The following UVRAG variants were observed in gnomAD, a reference collection of about 807,000 sequenced individuals.
UVRAG encodes UV radiation resistance-associated gene protein.
Under a neutral mutation model 78.0 loss-of-function variants are expected in UVRAG, and 19 were observed. The ratio of observed to expected loss-of-function variants is 0.24; its 90% CI spans 0.17 to 0.36. The LOEUF (loss-of-function observed/expected upper bound fraction) is 0.36. Ranked by LOEUF, UVRAG falls within the 10% of genes least tolerant of loss-of-function variation. The pLI is 1.00. For synonymous variants in UVRAG, 323 were observed against 324.6 expected (o/e 1.00, Z 0.05); for missense variants, 740 against 853.8 (o/e 0.87, Z 1.66).
At chr11:75,929,647 C>T (rs965571221) in intron 6 of UVRAG, among the ~76,000 whole-genome samples, 8 of 152,036 alleles carry the variant, frequency 5.3e-5, no homozygotes, top group African/African-American at 1.2e-4. Flanking sequence ...TTTTACATGG[C>T]GATATAATTC....
Position 75,877,295 on chromosome 11 carries a change from C to T in UVRAG, c.271-2584C>T, listed in dbSNP as rs552590037. Reference sequence around the variant, plus strand: ...CCATCTGATTTCTCAATCTTTTCCCCACCTTTCCCCGCTTTCTATTCCACA... The same window carrying T: ...CCATCTGATTTCTCAATCTTTTCCCTACCTTTCCCCGCTTTCTATTCCACA... On this transcript the variant is annotated intron_variant, in intron 3 of 14. Coordinates refer to ENST00000356136, the MANE Select transcript of UVRAG (RefSeq NM_003369.4). Among the ~76,000 whole-genome samples, 4 of 152,316 alleles carry T rather than the reference C, an allele frequency of 2.6e-5. No individual in the cohort carries two copies. The South Asian group carries it at 6.2e-4, about 24-fold the overall frequency.
chr11:75,825,804 T>A (rs919360853), intron 1 of UVRAG, among the ~76,000 whole-genome samples: 2 of 152,102 alleles, frequency 1.3e-5, no homozygotes, highest in African/African-American at 4.8e-5. Flanking sequence ...TGTGAACAGT[T>A]CCACTGTTCT....
intron 7 of UVRAG, among the ~76,000 whole-genome samples, chr11:75,982,665 A>G (rs1591092690): frequency 6.6e-6 from 1 of 152,138 alleles, no homozygotes; most frequent in Non-Finnish European, 1.5e-5. Flanking sequence ...GGGGGGTTAG[A>G]GCACCTCGGT....
At position 75,867,172 on chromosome 11, in the gene UVRAG, T is replaced by C. The variant is rs186039262; in HGVS notation, c.270+5392T>C. 1.2e-4 allele frequency among the ~76,000 whole-genome samples: 18 copies of C among 152,352 alleles called. No individual in the cohort carries two copies. The East Asian group carries it at 3.3e-3, about 28-fold the overall frequency. ...CTACACAAAATCTTAATACTTTTTA[T>C]TGAAGTTTGGCATTTATAGAAGAGT... is the stretch of plus-strand genomic sequence containing the variant. On this transcript the variant is annotated intron_variant, in intron 3 of 14. Transcript: ENST00000356136.
intron 6 of UVRAG, among the ~76,000 whole-genome samples, chr11:75,943,384 TA>T (rs956704157): frequency 6.6e-6 from 1 of 151,938 alleles, no homozygotes; most frequent in African/African-American, 2.4e-5. Flanking sequence ...TCCATATCTG[TA>T]GTTTGTTTTG....
At chr11:76,139,028 A>G (rs1209076017) in intron 14 of UVRAG, among the ~76,000 whole-genome samples, 1 of 152,136 alleles carries the variant, frequency 6.6e-6, no homozygotes, top group Non-Finnish European at 1.5e-5. Flanking sequence ...TTTTCTGGAG[A>G]ACTAAACACT....
intron 13 of UVRAG, among the ~76,000 whole-genome samples, chr11:76,073,778 ATTAC>A (rs1330230258): frequency 6.6e-6 from 1 of 152,190 alleles, no homozygotes; most frequent in Non-Finnish European, 1.5e-5. Context: ...TTAAAAAGCT[ATTAC>A]TTAATGAGGT....
intron 11 of UVRAG, among the ~76,000 whole-genome samples, chr11:76,011,339 A>G (rs1468430819): frequency 2.0e-5 from 3 of 152,168 alleles, no homozygotes; most frequent in Non-Finnish European, 4.4e-5. Flanking sequence ...AAAATCTTAC[A>G]TTGGCCGGGT....
At chr11:76,126,076 G>A (rs143676200) in intron 14 of UVRAG, among the ~76,000 whole-genome samples, 14,182 of 151,410 alleles carry the variant, frequency 0.094, 1,503 homozygotes, top group African/African-American at 0.26. Flanking sequence ...CAGCCTCCCG[G>A]GCAGCTGGGA....
At chr11:76,053,343 A>ACACACACACACACACACAC (rs61533528) in intron 12 of UVRAG, among the ~76,000 whole-genome samples, 1 of 146,974 alleles carries the variant, frequency 6.8e-6, no homozygotes, top group East Asian at 1.9e-4. Context: ...ACACACACAC[A>ACACACACACACACACACAC]AAAATAAATA....
intron 14 of UVRAG, among the ~76,000 whole-genome samples, chr11:76,117,877 A>AAAG (rs1234690793): frequency 2.6e-5 from 4 of 152,234 alleles, no homozygotes; most frequent in African/African-American, 9.6e-5. Context: ...TCCTAAAGCC[A>AAAG]TGTTCCTTCA....
At chr11:76,044,645 G>T (rs1284997406) in intron 12 of UVRAG, among the ~76,000 whole-genome samples, 2 of 152,044 alleles carry the variant, frequency 1.3e-5, no homozygotes, top group African/African-American at 4.8e-5. Flanking sequence ...ATGGCAGCAT[G>T]TGCCTGTAGT....
At chr11:76,009,708 C>T (rs962352974) in intron 11 of UVRAG, among the ~76,000 whole-genome samples, 5 of 152,252 alleles carry the variant, frequency 3.3e-5, no homozygotes, top group South Asian at 4.1e-4. Context: ...CTGTTGGGCC[C>T]TTACCTGTAA....
intron 13 of UVRAG, among the ~76,000 whole-genome samples, chr11:76,070,917 A>G (rs905310456): frequency 1.3e-5 from 2 of 152,220 alleles, no homozygotes; most frequent in Non-Finnish European, 2.9e-5. Context: ...GGTGACAACC[A>G]TTATATATCA....
At chr11:75,994,371 G>C (rs1481728434) in intron 8 of UVRAG, among the ~76,000 whole-genome samples, 1 of 152,140 alleles carries the variant, frequency 6.6e-6, no homozygotes, top group Non-Finnish European at 1.5e-5. Flanking sequence ...GAGGTACTGG[G>C]AAGTTAAATG....
At chr11:75,962,953 GGTCAA>G (rs1948936662) in intron 7 of UVRAG, among the ~76,000 whole-genome samples, 1 of 152,132 alleles carries the variant, frequency 6.6e-6, no homozygotes. Context: ...AGTTTAAAGA[GGTCAA>G]GTTCAGAGGT....
intron 3 of UVRAG, among the ~76,000 whole-genome samples, chr11:75,873,131 C>G (rs1565355900): frequency 6.6e-6 from 1 of 152,228 alleles, no homozygotes; most frequent in South Asian, 2.1e-4. Flanking sequence ...TTTCATTGTT[C>G]CCCCTTTCTT....
At position 75,901,130 on chromosome 11, in the gene UVRAG, C is replaced by A. The variant is rs901615684; in HGVS notation, c.508-10824C>A. ...GATGCCTAGAAGTGTTATTAATGTCCAAATGAACATATACACCTAGGAACA... is the reference window on the plus strand; with the variant it reads ...GATGCCTAGAAGTGTTATTAATGTCAAAATGAACATATACACCTAGGAACA... On this transcript the variant is annotated intron_variant, in intron 5 of 14. Transcript: ENST00000356136. Among the ~76,000 whole-genome samples the A allele has an allele frequency of 3.9e-5, 6 of 152,134 alleles. No homozygotes were observed. In the East Asian group the frequency reaches 1.2e-3, roughly 29 times the overall value.
chr11:75,963,426 A>G lies in UVRAG; in HGVS notation c.699+1877A>G, dbSNP rs527539516. Among the ~76,000 whole-genome samples the G allele has an allele frequency of 3.3e-5, 5 of 152,340 alleles. No homozygotes were observed. The South Asian group carries it at 1.0e-3, about 32-fold the overall frequency. On this transcript the variant is annotated intron_variant, in intron 7 of 14. Transcript: ENST00000356136. ...TTGGTTTACTTGTTTCCTTTTAGAGAATAATGCCATCTACATGTTAATTAG... is the reference window on the plus strand; with the variant it reads ...TTGGTTTACTTGTTTCCTTTTAGAGGATAATGCCATCTACATGTTAATTAG...
Sources: gnomAD v4.1 joint callset for allele counts (sites outside exome capture counted in the v4.1 genomes callset) on GRCh38, gnomAD v4.1.1 for gene constraint, MANE v1.5 for transcripts, NCBI Gene and HGNC (gene_info 2026-07-23, HGNC 2026-07-21) for gene names.